Variants in TEX9 observed in about 807,000 individuals in gnomAD.
TEX9 encodes the protein testis expressed 9.
In TEX9, 74 loss-of-function variants were observed where a neutral mutation model predicts 59.6. That is an observed-to-expected ratio of 1.24 (90% CI 1.03 to 1.51). TEX9 has a LOEUF of 1.51. Ranked by LOEUF, TEX9 falls within the 40% of genes most tolerant of loss-of-function variation. TEX9 has a pLI of 0.00. For synonymous variants in TEX9, 186 were observed against 152.2 expected, an observed-to-expected ratio of 1.22 and a Z score of -1.64; for missense variants, 522 against 447.8, an observed-to-expected ratio of 1.17 and a Z score of -1.49.
chr15:56,283,751 C>T (rs1430876636), intron 1 of TEX9, among the ~76,000 whole-genome samples: 1 of 151,674 alleles, frequency 6.6e-6, no homozygotes, highest in Non-Finnish European at 1.5e-5. Context: ...ACTGTATTTA[C>T]CCCCCCTTCA....
intron 1 of TEX9, among the ~76,000 whole-genome samples, chr15:56,263,132 T>G (rs574903125): frequency 2.6e-5 from 4 of 152,292 alleles, no homozygotes; most frequent in Admixed American, 6.5e-5. Context: ...CAAGCGATTC[T>G]CCTGCCTCAG....
chr15:56,261,584 A>G (rs2044268182), intron 1 of TEX9, among the ~76,000 whole-genome samples: 2 of 151,948 alleles, frequency 1.3e-5, no homozygotes, highest in Non-Finnish European at 2.9e-5. Context: ...CAGGCGCAGT[A>G]GCATGTGCCT....
At chr15:56,388,448 A>G (rs758108520) in intron 4 of TEX9, 24 bp from the exon 5 acceptor site, 12 of 1,579,536 alleles carry the variant, frequency 7.6e-6, no homozygotes, top group Non-Finnish European at 1.0e-5. Context: ...TTATTAATGT[A>G]TAATGTTTAT....
chr15:56,429,178 CT>C, intron 12 of TEX9: 1 of 1,592,684 alleles, frequency 6.3e-7, no homozygotes, highest in Non-Finnish European at 8.5e-7. Context: ...ATATCATCCT[CT>C]TTTTTAAATA....
At chr15:56,335,670 G>A (rs1474545939) in intron 1 of TEX9, among the ~76,000 whole-genome samples, 1 of 152,116 alleles carries the variant, frequency 6.6e-6, no homozygotes, top group African/African-American at 2.4e-5. Context: ...TTGGTAACAC[G>A]AAGTACAAAT....
At chr15:56,447,723 G>C (rs2050917554), downstream of TEX9, 1 of 152,116 alleles carries the variant, frequency 6.6e-6, no homozygotes, top group Non-Finnish European at 1.5e-5. Context: ...TTTTACATAT[G>C]TATGCACCTG....
upstream of TEX9, among the ~76,000 whole-genome samples, chr15:56,361,420 GTTTT>G (rs1220421804): frequency 4.6e-5 from 7 of 151,984 alleles, no homozygotes; most frequent in Non-Finnish European, 8.8e-5. Flanking sequence ...AGTTCAAAAT[GTTTT>G]TTTAATTCCT....
chr15:56,453,085 C>G, the TEX9 span, among the ~76,000 whole-genome samples: 2 of 151,994 alleles, frequency 1.3e-5, no homozygotes, highest in African/African-American at 4.8e-5. Flanking sequence ...CAGCATGTTT[C>G]TTTGTTTCCA....
intron 1 of TEX9, among the ~76,000 whole-genome samples, chr15:56,285,220 A>G (rs1308527931): frequency 2.0e-5 from 3 of 151,956 alleles, no homozygotes; most frequent in African/African-American, 4.8e-5. Context: ...GTCTCTGAAC[A>G]TTTTTACTTT....
intron 12 of TEX9, among the ~76,000 whole-genome samples, chr15:56,442,222 A>T (rs1420127773): frequency 6.6e-6 from 1 of 152,100 alleles, no homozygotes; most frequent in African/African-American, 2.4e-5. Flanking sequence ...TTAAAGTCAC[A>T]AAAGAATGGA....
chr15:56,350,651 A>G (rs2141873956), intron 1 of TEX9, among the ~76,000 whole-genome samples: 1 of 152,294 alleles, frequency 6.6e-6, no homozygotes, highest in East Asian at 1.9e-4. Context: ...CATTAGTTTC[A>G]TTCTGCTGGG....
intron 10 of TEX9, among the ~76,000 whole-genome samples, chr15:56,420,645 G>C (rs1177784259): frequency 6.6e-6 from 1 of 151,874 alleles, no homozygotes; most frequent in Non-Finnish European, 1.5e-5. Flanking sequence ...GGAGACTGTT[G>C]ATTTGTACGC....
At chr15:56,327,476 C>T (rs2141740581) in intron 1 of TEX9, among the ~76,000 whole-genome samples, 1 of 152,196 alleles carries the variant, frequency 6.6e-6, no homozygotes, top group South Asian at 2.1e-4. Flanking sequence ...ACTCATTGTG[C>T]CTCCCACAGG....
At chr15:56,341,670 G>A (rs1222375906) in intron 1 of TEX9, among the ~76,000 whole-genome samples, 2 of 152,108 alleles carry the variant, frequency 1.3e-5, no homozygotes, top group Non-Finnish European at 2.9e-5. Flanking sequence ...TTGGTCAATT[G>A]TGATCATTTG....
intron 3 of TEX9, chr15:56,374,590 A>G (rs2047340949): frequency 6.6e-6 from 1 of 152,184 alleles, no homozygotes; most frequent in Admixed American, 6.5e-5. Flanking sequence ...CAATTAAATG[A>G]TTTTGACTAT....
intron 1 of TEX9, among the ~76,000 whole-genome samples, chr15:56,309,693 G>GTTTATTTTT (rs1290352080): frequency 1.8e-4 from 11 of 60,772 alleles, no homozygotes; most frequent in Admixed American, 4.5e-4. Flanking sequence ...TTTATGGGAA[G>GTTTATTTTT]TTTTTTTTTT....
At chr15:56,292,651 G>A (rs1184479414) in intron 1 of TEX9, among the ~76,000 whole-genome samples, 1 of 152,122 alleles carries the variant, frequency 6.6e-6, no homozygotes, top group Admixed American at 6.5e-5. Context: ...TGTCAATGTG[G>A]CTAATATTAG....
At chr15:56,280,739 A>T (rs2044796070) in intron 1 of TEX9, among the ~76,000 whole-genome samples, 4 of 152,244 alleles carry the variant, frequency 2.6e-5, no homozygotes, top group Admixed American at 2.0e-4. Flanking sequence ...GAAGCTGGGA[A>T]TGATTCCCAC....
chr15:56,269,550 C>G (rs762414300), intron 1 of TEX9, among the ~76,000 whole-genome samples: 1 of 151,734 alleles, frequency 6.6e-6, no homozygotes, highest in Non-Finnish European at 1.5e-5. Flanking sequence ...CAAAGAACAT[C>G]TTTATTTCTG....
Sources: allele counts gnomAD v4.1 joint callset (sites outside exome capture counted in the v4.1 genomes callset), GRCh38; gene constraint gnomAD v4.1.1; transcripts MANE v1.5; gene names NCBI Gene and HGNC (gene_info 2026-07-23, HGNC 2026-07-21).